Variants in MPRIP observed in about 807,000 individuals in gnomAD.
MPRIP encodes the protein myosin phosphatase Rho interacting protein, also known as myosin phosphatase Rho-interacting protein.
Under a neutral mutation model 234.9 loss-of-function variants are expected in MPRIP, and 59 were observed. The ratio of observed to expected loss-of-function variants is 0.25; its 90% CI spans 0.20 to 0.31. The LOEUF is 0.31. Among genes scored for constraint, MPRIP ranks in the 10% least tolerant of loss-of-function variants. The probability of loss-of-function intolerance (pLI) is 1.00; values close to 1 mark genes in which losing one functional copy is unlikely to be tolerated. For missense variants in MPRIP, 2,436 were observed against 3,071.0 expected (o/e 0.79, Z 4.89); for synonymous variants, 1,144 against 1,263.9 (o/e 0.91, Z 2.01).
intron 11 of MPRIP, chr17:17,149,695 A>G (rs2045554674): frequency 6.8e-6 from 1 of 146,774 alleles, no homozygotes; most frequent in Admixed American, 6.9e-5. Flanking sequence ...TTACATTTAT[A>G]TTAATATATA....
chr17:17,136,357 G>T lies in MPRIP; in HGVS notation c.643G>T (p.Asp215Tyr). 6.2e-7 allele frequency: 1 copy of T among 1,611,664 alleles called. No homozygotes were observed. The highest frequency in any genetic ancestry group is 8.5e-7 in the Non-Finnish European group (1 of 1,178,890). The part of the protein sequence containing the change: ...QEEMRTKDQP[D>Y]GSSLSPAQSP... ...AGAAATGAGGACCAAGGACCAGCCA[G>T]ATGGCAGCAGCCTGAGTCCAGCTCA... The change falls in exon 6 of 24, where the codon GAT (aspartate) becomes TAT (tyrosine). Residue 215 changes from aspartate (D) to tyrosine (Y), a missense_variant. Physicochemically the swap from Asp to Tyr is radical, Grantham distance 160. Transcript: ENST00000651222.
chr17:17,118,611 C>G (rs2090330160), intron 3 of MPRIP, among the ~76,000 whole-genome samples: 1 of 152,210 alleles, frequency 6.6e-6, no homozygotes, highest in Non-Finnish European at 1.5e-5. Flanking sequence ...TACACCAGGA[C>G]TGGCGGTGAC....
chr17:17,179,967 G>A (rs374124663), intron 22 of MPRIP, 36 bp from the exon 23 acceptor site: 140 of 1,530,922 alleles, frequency 9.1e-5, no homozygotes, highest in Non-Finnish European at 1.1e-4. Context: ...AGAAAGCAAA[G>A]GTAACAGGTC....
chr17:17,109,041 AG>A (rs2090118160), intron 3 of MPRIP, among the ~76,000 whole-genome samples: 2 of 152,212 alleles, frequency 1.3e-5, no homozygotes, highest in African/African-American at 4.8e-5. Flanking sequence ...AAGGGCCCTT[AG>A]CCCCCTTCTC....
Position 17,167,336 on chromosome 17 carries a change from G to C in MPRIP, c.5745G>C (p.Glu1915Asp). 7.7e-7 allele frequency: 1 copy of C among 1,304,160 alleles called. No individual in the cohort carries two copies. Among genetic ancestry groups the C allele is most frequent in the South Asian group, 1.2e-5 (1 of 81,016 alleles). 80.8% of individuals were successfully genotyped at this position (1,304,160 alleles called of 1,614,324 possible). A position where few individuals can be genotyped will look rare whatever the true frequency, so the allele number is the denominator to read the frequency against. ...CCATTGTTGAAAGGGAGAATGCAGA[G>C]CTCAAGGCCAAGGCCGCCCAGCTAG... Reference protein sequence around the residue: ...VIAIVERENAELKAKAAQLDH... With the variant: ...VIAIVERENADLKAKAAQLDH... Residue 1915 changes from glutamate (E) to aspartate (D), a missense_variant, in exon 16 of 24, where the codon GAG (glutamate) becomes GAC (aspartate). Glu to Asp is a conservative substitution (Grantham distance 45). Coordinates refer to ENST00000651222, the MANE Select transcript of MPRIP (RefSeq NM_001364716.4). The surrounding 1 kb of genome is among the most constrained non-coding windows in gnomAD (Gnocchi z 5.9).
At position 17,164,695 on chromosome 17, in the gene MPRIP, C is replaced by T; in HGVS notation, c.3104C>T (p.Ala1035Val). 8 of 1,271,906 alleles carry T rather than the reference C, an allele frequency of 6.3e-6. No individual in the cohort carries two copies. Among genetic ancestry groups the T allele is most frequent in the Non-Finnish European group, 8.2e-6 (8 of 976,058 alleles). The allele number at this position is 1,271,906 out of a possible 1,614,324, so 78.8% of individuals were successfully genotyped here. ...LLESCEKEKQ[A>V]LLQNLKEVED... ...GAGAGCTGTGAGAAGGAGAAGCAGG[C>T]ATTGCTGCAGAACCTAAAGGAAGTG... The change falls in exon 16 of 24, where the codon GCA becomes GTA. Residue 1035 changes from alanine to valine, a missense_variant. Transcript: ENST00000651222.
chr17:17,177,223 A>C, intron 21 of MPRIP, 27 bp from the exon 22 acceptor site: 1 of 1,604,942 alleles, frequency 6.2e-7, no homozygotes, highest in Non-Finnish European at 8.5e-7. Context: ...GGATGTAACT[A>C]CCATTCTCTG....
intron 4 of MPRIP, among the ~76,000 whole-genome samples, chr17:17,129,271 C>T (rs1202234808): frequency 6.6e-6 from 1 of 152,116 alleles, no homozygotes; most frequent in Non-Finnish European, 1.5e-5. Flanking sequence ...TCTCCCTGCC[C>T]TGCCTTTTAA....
At chr17:17,131,358 G>A (rs532987703) in intron 4 of MPRIP, among the ~76,000 whole-genome samples, 1 of 152,372 alleles carries the variant, frequency 6.6e-6, no homozygotes, top group South Asian at 2.1e-4. Flanking sequence ...AGTAATGGAA[G>A]TTACACATCC....
intron 7 of MPRIP, among the ~76,000 whole-genome samples, chr17:17,140,595 C>T (rs543170618): frequency 6.6e-6 from 1 of 152,306 alleles, no homozygotes; most frequent in East Asian, 1.9e-4. Context: ...CCTGAAATGG[C>T]AGCCACAATA....
chr17:17,137,023 C>T (rs149928114), intron 6 of MPRIP, among the ~76,000 whole-genome samples: 142 of 152,286 alleles, frequency 9.3e-4, no homozygotes, highest in African/African-American at 3.3e-3. Context: ...TGGGTTTTCC[C>T]ATCTGTATTT....
intron 3 of MPRIP, among the ~76,000 whole-genome samples, chr17:17,087,148 C>T (rs2089609390): frequency 6.6e-6 from 1 of 152,174 alleles, no homozygotes; most frequent in Admixed American, 6.5e-5. Flanking sequence ...CCAAAAACAG[C>T]CAACTCCTGA....
intron 3 of MPRIP, among the ~76,000 whole-genome samples, chr17:17,112,948 T>C (rs575584796): frequency 2.0e-5 from 3 of 152,358 alleles, no homozygotes; most frequent in Admixed American, 2.0e-4. Context: ...TGAGGCATCC[T>C]CAGCCCTGGG....
At chr17:17,124,320 C>G (rs1418609634) in intron 3 of MPRIP, among the ~76,000 whole-genome samples, 1 of 152,178 alleles carries the variant, frequency 6.6e-6, no homozygotes, top group East Asian at 1.9e-4. Flanking sequence ...GGGTCTGTGC[C>G]TCCAGGGGGC....
chr17:17,167,197 C>T lies in MPRIP; in HGVS notation c.5606C>T (p.Ser1869Phe), dbSNP rs2046019327. Residue 1869 changes from serine (S) to phenylalanine (F), a missense_variant, in exon 16 of 24, where the codon TCC (serine) becomes TTC (phenylalanine). Ser to Phe is a radical substitution (Grantham distance 155). Around this residue, in one of 4 missense-constraint regions of MPRIP, gnomAD observed 1,998 missense variants for 2,520.3 expected, o/e 0.79. Transcript: ENST00000651222. This position sits in a 1 kb window ranked among gnomAD's most constrained non-coding sequence, Gnocchi z 5.9. The stretch of plus-strand genomic sequence containing the variant: ...AAGGAGCTCCAGCTCTGCAAGGAGT[C>T]CTGGCAAACCCGGGAGCCCTCCTGC... ...YEKELQLCKE[S>F]WQTREPSCSE... 2 of 1,303,996 alleles carry T rather than the reference C, an allele frequency of 1.5e-6. No homozygotes were observed. Among genetic ancestry groups the T allele is most frequent in the Non-Finnish European group, 1.0e-6 (1 of 988,950 alleles). 80.8% of individuals were successfully genotyped at this position (1,303,996 alleles called of 1,614,324 possible).
chr17:17,101,079 G>A (rs993687069), intron 3 of MPRIP, among the ~76,000 whole-genome samples: 3 of 152,122 alleles, frequency 2.0e-5, no homozygotes, highest in African/African-American at 7.2e-5. Context: ...TTCACTCAGG[G>A]AATTTATCTT....
At chr17:17,091,656 G>A (rs943611362) in intron 3 of MPRIP, among the ~76,000 whole-genome samples, 1 of 152,102 alleles carries the variant, frequency 6.6e-6, no homozygotes, top group East Asian at 1.9e-4. Flanking sequence ...CATCCCTTGC[G>A]GTCCTCCCGG....
intron 7 of MPRIP, among the ~76,000 whole-genome samples, chr17:17,140,580 A>G (rs1597874417): frequency 6.6e-6 from 1 of 152,146 alleles, no homozygotes; most frequent in Non-Finnish European, 1.5e-5. Context: ...TCTTGGCCAC[A>G]CCTACCTGAA....
chr17:17,181,279 T>G (rs112695367), intron 23 of MPRIP, among the ~76,000 whole-genome samples: 6 of 152,094 alleles, frequency 3.9e-5, no homozygotes, highest in African/African-American at 1.2e-4. Context: ...GGGCCCATGG[T>G]GGGAGACACC....
Sources: gnomAD v4.1 joint callset for allele counts (sites outside exome capture counted in the v4.1 genomes callset) on GRCh38, gnomAD v4.1.1 for gene constraint, gnomAD v4.1.1 regional missense constraint, Gnocchi (gnomAD v3.1) non-coding constraint, MANE v1.5 for transcripts, NCBI Gene and HGNC (gene_info 2026-07-23, HGNC 2026-07-21) for gene names.